Variants in IKZF1 observed in about 807,000 individuals in gnomAD.
IKZF1 encodes IKAROS family zinc finger 1.
A neutral mutation model predicts 51.7 loss-of-function variants in IKZF1; 10 were observed. The observed-to-expected ratio is 0.19, with a 90% confidence interval of 0.12 to 0.33. The LOEUF (loss-of-function observed/expected upper bound fraction) is 0.33, where lower values mean the gene tolerates loss of function less well. Among genes scored for constraint, IKZF1 ranks in the 10% least tolerant of loss-of-function variants. The probability of loss-of-function intolerance (pLI) is 1.00; values close to 1 mark genes in which losing one functional copy is unlikely to be tolerated. For synonymous variants in IKZF1, 280 were observed against 282.3 expected, an observed-to-expected ratio of 0.99 and a Z score of 0.08; for missense variants, 484 against 707.5, an observed-to-expected ratio of 0.68 and a Z score of 3.58.
chr7:50,307,358 TG>T (rs1428611408), intron 1 of IKZF1, among the ~76,000 whole-genome samples: 1 of 152,212 alleles, frequency 6.6e-6, no homozygotes, highest in African/African-American at 2.4e-5. Context: ...TTGATGTAAG[TG>T]GCTCCACTCC....
chr7:50,355,512 T>A (rs1721558555), intron 3 of IKZF1, among the ~76,000 whole-genome samples: 1 of 152,216 alleles, frequency 6.6e-6, no homozygotes, highest in Non-Finnish European at 1.5e-5. Flanking sequence ...GGAAACCCTG[T>A]GCCCACTGGG....
chr7:50,313,828 A>G (rs1403546385), intron 1 of IKZF1, among the ~76,000 whole-genome samples: 2 of 152,244 alleles, frequency 1.3e-5, no homozygotes, highest in African/African-American at 2.4e-5. Context: ...CAGGTGCTCA[A>G]ATAAACAAGT....
At chr7:50,348,798 C>G (rs1157628836) in intron 3 of IKZF1, among the ~76,000 whole-genome samples, 1 of 152,214 alleles carries the variant, frequency 6.6e-6, no homozygotes, top group East Asian at 1.9e-4. Flanking sequence ...ATAAAATGCA[C>G]CAGAACCATG....
chr7:50,376,687 G>C lies in IKZF1; in HGVS notation c.315G>C (p.Ser105=), dbSNP rs764780164. 1 of 1,613,918 alleles carries C rather than the reference G, an allele frequency of 6.2e-7. No individual in the cohort carries two copies. Among genetic ancestry groups the C allele is most frequent in the South Asian group, 1.1e-5 (1 of 91,066 alleles). The change falls in exon 4 of 8, where the codon TCG becomes TCC. Residue 105 remains serine (S), a synonymous_variant. Coordinates refer to ENST00000331340, the MANE Select transcript of IKZF1 (RefSeq NM_006060.6). The surrounding 1 kb of genome is among the most constrained non-coding windows in gnomAD (Gnocchi z 4.5). ...SHRDQGSSAL[S]GVGGIRLPNG... is the part of the protein sequence containing the mutation. Reference sequence around the variant, plus strand: ...GGGACCAAGGCAGCTCGGCTTTGTCGGGAGTTGGAGGCATTCGACTTCCTA... The same window carrying C: ...GGGACCAAGGCAGCTCGGCTTTGTCCGGAGTTGGAGGCATTCGACTTCCTA...
intron 3 of IKZF1, among the ~76,000 whole-genome samples, chr7:50,335,155 G>A (rs1015911644): frequency 7.4e-5 from 11 of 148,774 alleles, no homozygotes; most frequent in African/African-American, 2.7e-4. Flanking sequence ...ATGTGTATGT[G>A]TATGGGATAT....
intron 3 of IKZF1, among the ~76,000 whole-genome samples, chr7:50,335,506 T>G (rs1488822550): frequency 2.8e-5 from 4 of 141,398 alleles, no homozygotes; most frequent in African/African-American, 1.1e-4. Flanking sequence ...TGTATGTGTG[T>G]ATGGGATGTG....
intron 3 of IKZF1, among the ~76,000 whole-genome samples, chr7:50,352,328 C>G (rs1160423190): frequency 6.6e-6 from 1 of 152,166 alleles, no homozygotes; most frequent in Admixed American, 6.5e-5. Context: ...TACTTCTAAT[C>G]TGCTGGGAAT....
At chr7:50,308,006 C>T (rs1017850494) in intron 1 of IKZF1, among the ~76,000 whole-genome samples, 1 of 152,192 alleles carries the variant, frequency 6.6e-6, no homozygotes, top group Non-Finnish European at 1.5e-5. Context: ...CTTCATATCT[C>T]AGGTTACCTT....
At chr7:50,378,527 C>A (rs969093250) in intron 4 of IKZF1, among the ~76,000 whole-genome samples, 40 of 152,226 alleles carry the variant, frequency 2.6e-4, no homozygotes, top group Admixed American at 7.2e-4. Flanking sequence ...TAAAGCCTGA[C>A]TGTACAGTGA....
rs549930725 is a variant in IKZF1 at position 50,376,689 on chromosome 7, G to C, written c.317G>C (p.Gly106Ala). The change falls in exon 4 of 8, where the codon GGA becomes GCA. Residue 106 changes from glycine (G) to alanine (A), a missense_variant. This residue lies in a region of IKZF1 where 118 missense variants were observed against 138.4 expected (regional missense o/e 0.85). Coordinates refer to ENST00000331340, the MANE Select transcript of IKZF1 (RefSeq NM_006060.6). The surrounding 1 kb of genome is among the most constrained non-coding windows in gnomAD (Gnocchi z 4.5). ...HRDQGSSALS[G>A]VGGIRLPNGK... is the part of the protein sequence containing the mutation. The stretch of plus-strand genomic sequence containing the variant: ...GACCAAGGCAGCTCGGCTTTGTCGG[G>C]AGTTGGAGGCATTCGACTTCCTAAC... The C allele has an allele frequency of 6.2e-7, 1 of 1,613,954 alleles. No individual in the cohort carries two copies. The highest frequency in any genetic ancestry group is 8.5e-7 in the Non-Finnish European group (1 of 1,179,884).
intron 1 of IKZF1, among the ~76,000 whole-genome samples, chr7:50,317,596 A>G (rs941109211): frequency 7.9e-5 from 12 of 152,158 alleles, no homozygotes; most frequent in African/African-American, 2.9e-4. Context: ...AGTGGCCACT[A>G]GCTGTACTCC....
At chr7:50,312,183 A>T (rs1790348755) in intron 1 of IKZF1, among the ~76,000 whole-genome samples, 1 of 152,204 alleles carries the variant, frequency 6.6e-6, no homozygotes, top group African/African-American at 2.4e-5. Context: ...CGCCATTTAT[A>T]TTTGAGGAAG....
chr7:50,336,393 G>A (rs1797791313), intron 3 of IKZF1, among the ~76,000 whole-genome samples: 1 of 152,196 alleles, frequency 6.6e-6, no homozygotes, highest in Non-Finnish European at 1.5e-5. Context: ...AGGAAGGGGT[G>A]GAGGTGGCAG....
intron 4 of IKZF1, among the ~76,000 whole-genome samples, chr7:50,379,296 G>T (rs567079253): frequency 6.6e-6 from 1 of 152,330 alleles, no homozygotes; most frequent in East Asian, 1.9e-4. Flanking sequence ...TTGCACTGTG[G>T]CCATTGTTCC....
intron 5 of IKZF1, among the ~76,000 whole-genome samples, chr7:50,383,904 G>T (rs1210099235): frequency 1.3e-5 from 2 of 152,230 alleles, no homozygotes; most frequent in Admixed American, 1.3e-4. Flanking sequence ...GGTTTTAGAG[G>T]CTGCTCATTG....
intron 2 of IKZF1, among the ~76,000 whole-genome samples, chr7:50,321,381 C>G (rs1292369719): frequency 7.2e-5 from 11 of 152,236 alleles, no homozygotes; most frequent in Non-Finnish European, 1.3e-4. Context: ...CCTCAGAGAG[C>G]TGGTCTGGGA....
In IKZF1 at chr7:50,384,928, C is replaced by T. The variant is rs1303433450; in HGVS notation, c.589+2221C>T. Among the ~76,000 whole-genome samples, 4 of 152,328 alleles carry T rather than the reference C, an allele frequency of 2.6e-5. 1 individual carries two copies. In the East Asian group the frequency reaches 7.7e-4, roughly 29 times the overall value. On this transcript the variant is annotated intron_variant, in intron 5 of 7. Transcript: ENST00000331340. ...TGATTGCAATGGAATCTCTCATGCCCATCAGTCCTTAAAAGCAGAGCTGCT... is the reference window on the plus strand; with the variant it reads ...TGATTGCAATGGAATCTCTCATGCCTATCAGTCCTTAAAAGCAGAGCTGCT...
In IKZF1 at chr7:50,382,667, C is replaced by T. The variant is rs1298988544; in HGVS notation, c.549C>T (p.Arg183=). The change falls in exon 5 of 8, where the codon CGC becomes CGT. Residue 183 remains arginine (R), a synonymous_variant. Coordinates refer to ENST00000331340, the MANE Select transcript of IKZF1 (RefSeq NM_006060.6). ...GCCACCTCTGCAACTACGCCTGCCG[C>T]CGGAGGGACGCCCTCACTGGCCACC... ...FKCHLCNYAC[R]RRDALTGHLR... is the part of the protein sequence containing the mutation. 3 of 1,611,788 alleles carry T rather than the reference C, an allele frequency of 1.9e-6. No homozygotes were observed. Among genetic ancestry groups the T allele is most frequent in the Non-Finnish European group, 2.5e-6 (3 of 1,179,840 alleles).
At chr7:50,309,951 G>A (rs558285739) in intron 1 of IKZF1, among the ~76,000 whole-genome samples, 1 of 152,294 alleles carries the variant, frequency 6.6e-6, no homozygotes, top group South Asian at 2.1e-4. Context: ...CCCCTAGTGT[G>A]AGCCCCACTT....
Sources: allele counts gnomAD v4.1 joint callset (sites outside exome capture counted in the v4.1 genomes callset), GRCh38; gene constraint gnomAD v4.1.1; regional missense constraint gnomAD v4.1.1; non-coding constraint Gnocchi (gnomAD v3.1); transcripts MANE v1.5; gene names NCBI Gene and HGNC (gene_info 2026-07-23, HGNC 2026-07-21).